LRRK2: variants seen among roughly 807,000 people sequenced by gnomAD.
LRRK2 encodes the protein leucine rich repeat kinase 2.
Under a neutral mutation model 302.6 loss-of-function variants are expected in LRRK2, and 203 were observed. The observed-to-expected ratio is 0.67, with a 90% CI of 0.60 to 0.75. The LOEUF (loss-of-function observed/expected upper bound fraction) is 0.75. Among genes scored for constraint, LRRK2 ranks in the 30% least tolerant of loss-of-function variants. The probability of loss-of-function intolerance (pLI) is 0.00; values close to 1 mark genes in which losing one functional copy is unlikely to be tolerated. For missense variants in LRRK2, 2,830 were observed against 2,951.0 expected (o/e 0.96, Z 0.95); for synonymous variants, 1,066 against 1,031.9 (o/e 1.03, Z -0.63).
In LRRK2 at chr12:40,282,014, C is replaced by A. The variant is rs1307390342; in HGVS notation, c.2242-1861C>A. On this transcript the variant is annotated intron_variant, in intron 18 of 50. Coordinates refer to ENST00000298910, the MANE Select transcript of LRRK2 (RefSeq NM_198578.4). ...GAGTTTTTCCCTCCCTCCCCGCTTCCCTTCCCTTCCCTTCCCTTCCCTTCC... is the reference window on the plus strand; with the variant it reads ...GAGTTTTTCCCTCCCTCCCCGCTTCACTTCCCTTCCCTTCCCTTCCCTTCC... Among the ~76,000 whole-genome samples the A allele has an allele frequency of 6.6e-3, 23 of 3,506 alleles. 1 individual carries two copies. In the East Asian group the frequency reaches 0.085, roughly 13 times the overall value. The allele number at this position is 3,506 out of a possible 152,430, so 2.3% of individuals were successfully genotyped here.
chr12:40,352,118 G>A (rs1215516413), intron 44 of LRRK2, among the ~76,000 whole-genome samples: 1 of 152,194 alleles, frequency 6.6e-6, no homozygotes, highest in Non-Finnish European at 1.5e-5. Context: ...CCACTGCCAG[G>A]CAAGGGAGCC....
At chr12:40,238,905 C>A (rs1941595155) in intron 5 of LRRK2, among the ~76,000 whole-genome samples, 1 of 152,084 alleles carries the variant, frequency 6.6e-6, no homozygotes, top group Non-Finnish European at 1.5e-5. Context: ...AATTATAATA[C>A]ACAAGAGTAA....
intron 2 of LRRK2, among the ~76,000 whole-genome samples, chr12:40,231,572 A>G (rs933684698): frequency 4.8e-5 from 5 of 103,598 alleles, no homozygotes; most frequent in South Asian, 3.9e-4. Context: ...AACAAAAACA[A>G]AACCAAAAAA....
intron 41 of LRRK2, among the ~76,000 whole-genome samples, chr12:40,343,299 G>A (rs1435625118): frequency 6.6e-6 from 1 of 152,192 alleles, no homozygotes; most frequent in Non-Finnish European, 1.5e-5. Flanking sequence ...TGCTGGGAGT[G>A]ACAGTTAATT....
At chr12:40,267,598 C>G (rs1318136652) in intron 14 of LRRK2, among the ~76,000 whole-genome samples, 3 of 152,086 alleles carry the variant, frequency 2.0e-5, no homozygotes, top group Non-Finnish European at 4.4e-5. Context: ...TCACTTTGTT[C>G]CAACTGAGAA....
At chr12:40,354,972 C>T (rs1946481406) in intron 45 of LRRK2, among the ~76,000 whole-genome samples, 1 of 152,038 alleles carries the variant, frequency 6.6e-6, no homozygotes, top group African/African-American at 2.4e-5. Flanking sequence ...AATGACTTAG[C>T]TCTTATCAAT....
At chr12:40,340,736 C>T (rs1183388525) in intron 41 of LRRK2, among the ~76,000 whole-genome samples, 2 of 152,134 alleles carry the variant, frequency 1.3e-5, no homozygotes, top group Admixed American at 6.5e-5. Flanking sequence ...TCTTTAGATA[C>T]TCTAGAGGTC....
intron 41 of LRRK2, 57 bp downstream of exon 41, chr12:40,340,511 C>G: frequency 1.3e-6 from 2 of 1,564,600 alleles, no homozygotes; most frequent in Non-Finnish European, 8.8e-7. Flanking sequence ...CCACTGACCT[C>G]AGATGTGAGT....
chr12:40,354,294 A>G lies in LRRK2; in HGVS notation c.6577-5A>G, dbSNP rs1242970017. The G allele has an allele frequency of 1.2e-6, 2 of 1,613,120 alleles. No individual in the cohort carries two copies. The highest frequency in any genetic ancestry group is 1.7e-6 in the Non-Finnish European group (2 of 1,179,330). ...CCTGCTAAGTATATTTTCTTTTCTT[A>G]ACAGGAAGTTGCTGATAGTAGAATA... On this transcript the variant is annotated splice_region_variant and splice_polypyrimidine_tract_variant and intron_variant, in intron 44 of 50. Coordinates refer to ENST00000298910, the MANE Select transcript of LRRK2 (RefSeq NM_198578.4).
chr12:40,280,515 C>A (rs1943641418), intron 18 of LRRK2, among the ~76,000 whole-genome samples: 1 of 151,400 alleles, frequency 6.6e-6, no homozygotes, highest in South Asian at 2.1e-4. Context: ...GTCCCAGCTA[C>A]TTGGGAGTCT....
intron 19 of LRRK2, chr12:40,286,309 G>A (rs1030858970): frequency 6.6e-6 from 1 of 151,954 alleles, no homozygotes; most frequent in African/African-American, 2.4e-5. Flanking sequence ...CGGGCTTCGG[G>A]ATAATTTCCC....
chr12:40,363,696 G>A, intron 48 of LRRK2, 142 bp downstream of exon 48: 1 of 844,830 alleles, frequency 1.2e-6, no homozygotes. Context: ...ATGCTTCTCA[G>A]CACCATCTTT....
intron 25 of LRRK2, 41 bp from the exon 26 acceptor site, chr12:40,302,748 T>A (rs1592256067): frequency 7.5e-7 from 1 of 1,327,980 alleles, no homozygotes; most frequent in Non-Finnish European, 1.1e-6. Context: ...GGAAATCTGG[T>A]TAAAATGATT....
intron 14 of LRRK2, 141 bp downstream of exon 14, chr12:40,264,042 T>C (rs1942896026): frequency 1.6e-6 from 1 of 643,876 alleles, no homozygotes; most frequent in Non-Finnish European, 2.8e-6. Flanking sequence ...AGACATAAGA[T>C]GACAGTGGGG....
At chr12:40,303,773 C>G (rs763220373) in intron 26 of LRRK2, among the ~76,000 whole-genome samples, 175 bp from the exon 27 acceptor site, 28 of 152,204 alleles carry the variant, frequency 1.8e-4, no homozygotes, top group Non-Finnish European at 3.5e-4. Context: ...AGTCATAGTT[C>G]TTAAACACTG....
intron 7 of LRRK2, among the ~76,000 whole-genome samples, chr12:40,244,736 G>T (rs1371461627): frequency 4.2e-5 from 5 of 119,374 alleles, no homozygotes; most frequent in African/African-American, 1.6e-4. Context: ...ACTGTTGTGG[G>T]GTGGGGGGAG....
chr12:40,358,426 T>C (rs1254696134), intron 46 of LRRK2, among the ~76,000 whole-genome samples: 1 of 152,186 alleles, frequency 6.6e-6, no homozygotes. Flanking sequence ...GAGTGGGGCC[T>C]ACTTTCATCC....
intron 8 of LRRK2, 112 bp downstream of exon 8, chr12:40,250,057 C>A: frequency 1.5e-6 from 2 of 1,313,490 alleles, no homozygotes; most frequent in Non-Finnish European, 2.1e-6. Flanking sequence ...CCTTTTCTGT[C>A]CTGTGTAGCT....
intron 2 of LRRK2, among the ~76,000 whole-genome samples, chr12:40,228,112 A>C (rs921322792): frequency 3.3e-5 from 5 of 152,178 alleles, no homozygotes; most frequent in African/African-American, 1.2e-4. Flanking sequence ...CGATGAGATT[A>C]CTGGATCATA....
Sources: gnomAD v4.1 joint callset for allele counts (sites outside exome capture counted in the v4.1 genomes callset) on GRCh38, gnomAD v4.1.1 for gene constraint, MANE v1.5 for transcripts, NCBI Gene and HGNC (gene_info 2026-07-23, HGNC 2026-07-21) for gene names.